Variants in XKR9 observed in about 807,000 individuals in gnomAD.
The protein encoded by XKR9 is XK related 9.
A neutral mutation model predicts 32.0 loss-of-function variants in XKR9; 32 were observed. The ratio of observed to expected loss-of-function variants is 1.00; its 90% confidence interval spans 0.76 to 1.34. The LOEUF is 1.34. Among genes scored for constraint, XKR9 ranks in the 40% most tolerant of loss-of-function variants. XKR9 has a pLI of 0.00. For synonymous variants in XKR9, 168 were observed against 143.4 expected (o/e 1.17, Z -1.22); for missense variants, 546 against 429.7 (o/e 1.27, Z -2.39).
chr8:70,795,729 A>G, the XKR9 span, among the ~76,000 whole-genome samples: 1 of 151,992 alleles, frequency 6.6e-6, no homozygotes, highest in African/African-American at 2.4e-5. Flanking sequence ...TTCTCTAATG[A>G]TCACTGATGT....
chr8:70,887,403 T>C, the XKR9 span, among the ~76,000 whole-genome samples: 74 of 152,170 alleles, frequency 4.9e-4, no homozygotes, highest in African/African-American at 1.7e-3. Flanking sequence ...CTTGGCTATA[T>C]GGGCTTTTTT....
chr8:70,881,828 C>T, the XKR9 span, among the ~76,000 whole-genome samples: 276 of 152,262 alleles, frequency 1.8e-3, no homozygotes, highest in South Asian at 2.7e-3. Flanking sequence ...ATGTTTATTG[C>T]GGCACTATTC....
intron 2 of XKR9, among the ~76,000 whole-genome samples, chr8:70,759,851 CACTTA>C (rs1807284386): frequency 6.6e-6 from 1 of 152,092 alleles, no homozygotes; most frequent in South Asian, 2.1e-4. Flanking sequence ...TATAAAAGAG[CACTTA>C]ACTTTCAACA....
intron 3 of XKR9, among the ~76,000 whole-genome samples, chr8:70,700,069 A>T (rs62530785): frequency 0.4 from 61,094 of 151,846 alleles, 13,833 homozygotes; most frequent in Non-Finnish European, 0.52. Context: ...TGGTTATTCT[A>T]GTTATACATT....
intron 4 of XKR9, among the ~76,000 whole-genome samples, chr8:70,723,112 G>A (rs1315849875): frequency 2.0e-5 from 3 of 151,932 alleles, no homozygotes; most frequent in African/African-American, 7.3e-5. Context: ...TGTGTATGCT[G>A]CATGAAGTTC....
At chr8:70,905,054 T>A in the XKR9 span, among the ~76,000 whole-genome samples, 2 of 152,212 alleles carry the variant, frequency 1.3e-5, no homozygotes, top group African/African-American at 4.8e-5. Context: ...GCCCTTAACA[T>A]TTTTTCCTTC....
intron 4 of XKR9, among the ~76,000 whole-genome samples, chr8:70,728,531 A>T (rs1340088540): frequency 6.6e-6 from 1 of 152,206 alleles, no homozygotes; most frequent in African/African-American, 2.4e-5. Flanking sequence ...TAGGACAAGG[A>T]GTGCAGTTCC....
chr8:70,743,092 A>AT (rs1276779347), intron 2 of XKR9, among the ~76,000 whole-genome samples: 1 of 151,082 alleles, frequency 6.6e-6, no homozygotes, highest in Non-Finnish European at 1.5e-5. Flanking sequence ...GGCTCTGTTC[A>AT]TTTTTTTCCA....
At chr8:71,057,262 A>G in the XKR9 span, among the ~76,000 whole-genome samples, 1 of 152,304 alleles carries the variant, frequency 6.6e-6, no homozygotes, top group East Asian at 1.9e-4. Flanking sequence ...ACAAGAAGAG[A>G]GCACACTATG....
At chr8:70,775,643 C>G (rs1238410112) in intron 2 of XKR9, among the ~76,000 whole-genome samples, 1 of 152,002 alleles carries the variant, frequency 6.6e-6, no homozygotes, top group Non-Finnish European at 1.5e-5. Context: ...TTGAGAAAAC[C>G]ACACTTGGAC....
At chr8:70,899,234 C>G in the XKR9 span, among the ~76,000 whole-genome samples, 2 of 152,062 alleles carry the variant, frequency 1.3e-5, no homozygotes, top group Middle Eastern at 6.8e-3. Context: ...TAAGTTTATC[C>G]TATTTGGGGT....
At chr8:70,799,181 G>C in the XKR9 span, among the ~76,000 whole-genome samples, 13 of 152,088 alleles carry the variant, frequency 8.5e-5, no homozygotes, top group African/African-American at 3.1e-4. Flanking sequence ...CTATCCATGG[G>C]CATGGAATGC....
intron 2 of XKR9, among the ~76,000 whole-genome samples, chr8:70,754,799 C>A (rs1230279056): frequency 1.3e-5 from 2 of 151,840 alleles, no homozygotes; most frequent in Non-Finnish European, 1.5e-5. Flanking sequence ...AGACCTAAAA[C>A]CATAAAAACC....
the XKR9 span, among the ~76,000 whole-genome samples, chr8:70,800,732 C>T: frequency 6.6e-5 from 10 of 151,984 alleles, no homozygotes; most frequent in African/African-American, 1.7e-4. Flanking sequence ...GTGATCTGCC[C>T]GCCTCAGCCT....
chr8:70,725,685 C>A (rs1365838424), intron 4 of XKR9, among the ~76,000 whole-genome samples: 2 of 152,214 alleles, frequency 1.3e-5, no homozygotes, highest in Non-Finnish European at 2.9e-5. Context: ...GCGAGCAGAT[C>A]ACTTAAGGTC....
At chr8:70,804,684 G>A in the XKR9 span, among the ~76,000 whole-genome samples, 1 of 152,160 alleles carries the variant, frequency 6.6e-6, no homozygotes, top group Non-Finnish European at 1.5e-5. Context: ...CTGAGTTTTT[G>A]TGTAGTTTTA....
At chr8:71,049,836 C>A in the XKR9 span, among the ~76,000 whole-genome samples, 6 of 151,892 alleles carry the variant, frequency 4.0e-5, no homozygotes, top group Admixed American at 6.6e-5. Flanking sequence ...ACATCACAGG[C>A]GATGGTACAA....
At chr8:70,778,746 G>A (rs1162096300) in intron 2 of XKR9, among the ~76,000 whole-genome samples, 2 of 152,112 alleles carry the variant, frequency 1.3e-5, no homozygotes. Context: ...TTGGGTCTCT[G>A]TTTGTCTGTT....
At chr8:70,750,134 G>T (rs921580879) in intron 2 of XKR9, among the ~76,000 whole-genome samples, 11 of 151,902 alleles carry the variant, frequency 7.2e-5, no homozygotes, top group African/African-American at 2.4e-4. Context: ...TTTAGTTATT[G>T]TTGCTTTAAG....
Sources: gnomAD v4.1 joint callset for allele counts (sites outside exome capture counted in the v4.1 genomes callset) on GRCh38, gnomAD v4.1.1 for gene constraint, MANE v1.5 for transcripts, NCBI Gene and HGNC (gene_info 2026-07-23, HGNC 2026-07-21) for gene names.